DHRSX: variants seen among roughly 807,000 people sequenced by gnomAD.
DHRSX encodes the protein polyprenol dehydrogenase.
Under a neutral mutation model 34.0 loss-of-function variants are expected in DHRSX, and 31 were observed. The observed-to-expected ratio is 0.91, with a 90% CI of 0.69 to 1.23. The LOEUF is 1.23. Among genes scored for constraint, DHRSX ranks in the 50% most tolerant of loss-of-function variants. The probability of loss-of-function intolerance (pLI) is 0.00; values close to 1 mark genes in which losing one functional copy is unlikely to be tolerated. For synonymous variants in DHRSX, 201 were observed against 183.8 expected (o/e 1.09, Z -0.76); for missense variants, 414 against 428.1 (o/e 0.97, Z 0.29).
chrX:2,485,791 A>AAGGGAAGGG (rs1280395295), intron 1 of DHRSX, among the ~76,000 whole-genome samples: 1 of 46,620 alleles, frequency 2.1e-5, no homozygotes, highest in African/African-American at 9.2e-5. Flanking sequence ...AAAGGGAGAG[A>AAGGGAAGGG]AGGGAGAGAA....
intron 3 of DHRSX, among the ~76,000 whole-genome samples, chrX:2,401,833 T>C (rs1210245380): frequency 6.6e-6 from 1 of 151,932 alleles, no homozygotes. Context: ...TGATAAGGAG[T>C]GAAAACGCTT....
intron 1 of DHRSX, among the ~76,000 whole-genome samples, chrX:2,457,915 A>G (rs1422967572): frequency 6.6e-6 from 1 of 151,068 alleles, no homozygotes; most frequent in Non-Finnish European, 1.5e-5. Context: ...TTCCGTAAGC[A>G]TGTAGCCAAG....
At chrX:2,260,795 G>A (rs2041354039) in intron 5 of DHRSX, among the ~76,000 whole-genome samples, 1 of 151,992 alleles carries the variant, frequency 6.6e-6, no homozygotes, top group Non-Finnish European at 1.5e-5. Context: ...CCATCATATT[G>A]GATCAAGGGT....
At chrX:2,254,955 C>CT (rs1428614734) in intron 5 of DHRSX, among the ~76,000 whole-genome samples, 6 of 137,334 alleles carry the variant, frequency 4.4e-5, no homozygotes, top group Admixed American at 1.5e-4. Context: ...CGCCCCCCCC[C>CT]TTTTTTTTCT....
At chrX:2,448,062 G>A (rs28780691) in intron 1 of DHRSX, among the ~76,000 whole-genome samples, 43,511 of 151,396 alleles carry the variant, frequency 0.29, 7,247 homozygotes, top group African/African-American at 0.45. Context: ...AATTAGCTGG[G>A]TATGGTGGCA....
intron 3 of DHRSX, among the ~76,000 whole-genome samples, chrX:2,367,095 C>T (rs1025724010): frequency 2.0e-5 from 3 of 152,178 alleles, no homozygotes; most frequent in East Asian, 1.9e-4. Flanking sequence ...TCAAGAGGAA[C>T]CACAATGGCT....
At chrX:2,381,973 C>T (rs2043209022) in intron 3 of DHRSX, among the ~76,000 whole-genome samples, 1 of 152,064 alleles carries the variant, frequency 6.6e-6, no homozygotes, top group Non-Finnish European at 1.5e-5. Context: ...TACATGGCTT[C>T]GTAGGAGAGT....
At chrX:2,442,783 G>T (rs1167336275) in intron 1 of DHRSX, among the ~76,000 whole-genome samples, 1 of 152,122 alleles carries the variant, frequency 6.6e-6, no homozygotes, top group Non-Finnish European at 1.5e-5. Flanking sequence ...AAGCTCTCAG[G>T]AATATTCCCT....
chrX:2,449,748 C>T (rs1391898201), intron 1 of DHRSX, among the ~76,000 whole-genome samples: 3 of 152,122 alleles, frequency 2.0e-5, no homozygotes, highest in South Asian at 2.1e-4. Context: ...CCAACTCCCA[C>T]ACTCAAGTGA....
chrX:2,422,331 C>T (rs1195417094), intron 2 of DHRSX, among the ~76,000 whole-genome samples: 2 of 152,044 alleles, frequency 1.3e-5, no homozygotes, highest in Admixed American at 6.6e-5. Context: ...GGCGCGATCT[C>T]GGTTCACTGC....
At chrX:2,399,019 A>AT (rs1270129501) in intron 3 of DHRSX, among the ~76,000 whole-genome samples, 1 of 151,640 alleles carries the variant, frequency 6.6e-6, no homozygotes, top group African/African-American at 2.4e-5. Context: ...AGCCCAGCTA[A>AT]TTTTTTTTGT....
At chrX:2,304,722 T>C (rs1445022836) in intron 3 of DHRSX, among the ~76,000 whole-genome samples, 1 of 152,040 alleles carries the variant, frequency 6.6e-6, no homozygotes, top group African/African-American at 2.4e-5. Flanking sequence ...GAAGCTGCTC[T>C]GCTTCCCGTA....
intron 3 of DHRSX, among the ~76,000 whole-genome samples, chrX:2,377,013 A>T (rs1282309560): frequency 6.6e-6 from 1 of 151,230 alleles, no homozygotes; most frequent in Admixed American, 6.6e-5. Flanking sequence ...AAAAAGGAGA[A>T]GAGGAACACT....
intron 3 of DHRSX, among the ~76,000 whole-genome samples, chrX:2,337,180 C>T (rs2059441494): frequency 6.6e-6 from 1 of 152,086 alleles, no homozygotes; most frequent in Non-Finnish European, 1.5e-5. Context: ...GTCCTAACCC[C>T]CAAACACCGT....
At position 2,383,477 on chromosome X, in the gene DHRSX, T is replaced by C. The variant is rs1317473482; in HGVS notation, c.286+25268A>G. Among the ~76,000 whole-genome samples the C allele has an allele frequency of 2.0e-5, 3 of 151,742 alleles. No homozygotes were observed. The East Asian group carries it at 5.8e-4, about 29-fold the overall frequency. ...CCATAATTATCACCATCATCACCAT[T>C]ACCACTGTCATCATCATTGCCATCA... On this transcript the variant is annotated intron_variant, in intron 3 of 6. Coordinates refer to ENST00000334651, the MANE Select transcript of DHRSX (RefSeq NM_145177.3).
At chrX:2,292,760 G>C (rs940228714) in intron 3 of DHRSX, among the ~76,000 whole-genome samples, 4 of 150,916 alleles carry the variant, frequency 2.7e-5, no homozygotes, top group Non-Finnish European at 5.9e-5. Context: ...GGAGAATATA[G>C]AATTTTATAT....
chrX:2,389,283 G>C (rs1032590227), intron 3 of DHRSX, among the ~76,000 whole-genome samples: 14 of 152,124 alleles, frequency 9.2e-5, no homozygotes, highest in African/African-American at 3.1e-4. Context: ...GCTCATGGGG[G>C]GAAAGAGAGG....
chrX:2,225,267 A>G (rs1158832569), intron 6 of DHRSX, among the ~76,000 whole-genome samples: 15 of 151,162 alleles, frequency 9.9e-5, no homozygotes, highest in Non-Finnish European at 1.6e-4. Context: ...TCACATGCAC[A>G]CAGCTCACAC....
intron 1 of DHRSX, among the ~76,000 whole-genome samples, chrX:2,491,887 T>C (rs1306100470): frequency 6.6e-6 from 1 of 152,142 alleles, no homozygotes; most frequent in Non-Finnish European, 1.5e-5. Flanking sequence ...CCTGTTGAGG[T>C]TGAATGCTCA....
Sources: gnomAD v4.1 joint callset for allele counts (sites outside exome capture counted in the v4.1 genomes callset) on GRCh38, gnomAD v4.1.1 for gene constraint, MANE v1.5 for transcripts, NCBI Gene and HGNC (gene_info 2026-07-23, HGNC 2026-07-21) for gene names.